Variants in EEF1AKMT2 observed in about 807,000 individuals in gnomAD.
EEF1AKMT2 encodes eukaryotic translation elongation factor 1 alpha lysine methyltransferase 2.
EEF1AKMT2 carries 32 observed loss-of-function variants against 35.8 expected under a neutral mutation model. That is an observed-to-expected ratio of 0.89 (90% confidence interval 0.67 to 1.20). The LOEUF is 1.20. EEF1AKMT2 is among the 50% of genes most tolerant of loss of function. The pLI, the probability that EEF1AKMT2 is intolerant of heterozygous loss-of-function variation, is 0.00. For missense variants in EEF1AKMT2, 330 were observed against 347.5 expected (o/e 0.95, Z 0.40); for synonymous variants, 121 against 133.7 (o/e 0.91, Z 0.65).
At chr10:124,772,392 T>C (rs937414546) in intron 4 of EEF1AKMT2, among the ~76,000 whole-genome samples, 28 of 151,984 alleles carry the variant, frequency 1.8e-4, no homozygotes, top group African/African-American at 6.5e-4. Flanking sequence ...TGCACTTTTA[T>C]GTCATGGAGA....
rs1437722853 is a variant in EEF1AKMT2, at chr10:124,760,629, G to A, written c.*-126C>T. 4 of 697,874 alleles carry A rather than the reference G, an allele frequency of 5.7e-6. No individual in the cohort carries two copies. The African/African-American group carries it at 7.1e-5, about 12-fold the overall frequency. The allele number at this position is 697,874 out of a possible 1,614,324, so 43.2% of individuals were successfully genotyped here. ...ACTATGATTCCAAACTCTAAATTGT[G>A]CTGAATTTCACTTCATGATTTTTCA... On this transcript the variant is annotated intron_variant, in intron 6 of 6. Coordinates refer to ENST00000368836, the MANE Select transcript of EEF1AKMT2 (RefSeq NM_212554.4).
At position 124,769,946 on chromosome 10, in the gene EEF1AKMT2, CAAAAAAAAA is replaced by C. The variant is rs71484588; in HGVS notation, c.400-4347_400-4339del. ...GGGCAACAAGAGCGAAACTCCATCT[CAAAAAAAAA>C]AAAAAAAAAAAAAAAATTGGGTGCC... On this transcript the variant is annotated intron_variant, in intron 4 of 6. Transcript: ENST00000368836. Among the ~76,000 whole-genome samples the C allele has an allele frequency of 3.0e-4, 18 of 60,218 alleles. No individual in the cohort carries two copies. The South Asian group carries it at 7.0e-3, about 23-fold the overall frequency. 39.5% of individuals were successfully genotyped at this position (60,218 alleles called of 152,430 possible).
chr10:124,773,252 C>A (rs558219894), intron 4 of EEF1AKMT2, among the ~76,000 whole-genome samples: 101 of 152,232 alleles, frequency 6.6e-4, no homozygotes, highest in Non-Finnish European at 1.2e-3. Context: ...GGCTGGAGTG[C>A]AGTGGCACAA....
Position 124,762,563 on chromosome 10 carries a change from G to A in EEF1AKMT2, c.617-5C>T. 8.4e-7 allele frequency: 1 copy of A among 1,192,182 alleles called. No individual in the cohort carries two copies. The highest frequency in any genetic ancestry group is 1.5e-5 in the South Asian group (1 of 64,526). 73.9% of individuals were successfully genotyped at this position (1,192,182 alleles called of 1,614,324 possible). On this transcript the variant is annotated splice_polypyrimidine_tract_variant and splice_region_variant and intron_variant, in intron 5 of 6. Transcript: ENST00000368836. ...ATCCTGCCACTGTACTCCAACCTGG[G>A]CAACAGAGAGAGAGACAGACCGTTT...
chr10:124,765,893 T>C (rs752270616), intron 4 of EEF1AKMT2: 3 of 246,214 alleles, frequency 1.2e-5, no homozygotes. Context: ...TACCAGCACA[T>C]TATGGAGCTC....
chr10:124,765,356 G>A, intron 5 of EEF1AKMT2, 36 bp downstream of exon 5: 2 of 1,547,058 alleles, frequency 1.3e-6, no homozygotes, highest in African/African-American at 1.4e-5. Context: ...TGAAACCTGA[G>A]GTAAGCACAC....
chr10:124,766,785 G>A (rs1177634749), intron 4 of EEF1AKMT2, among the ~76,000 whole-genome samples: 1 of 152,078 alleles, frequency 6.6e-6, no homozygotes, highest in Non-Finnish European at 1.5e-5. Context: ...CATCCTAAAT[G>A]CCTATATAAA....
chr10:124,784,829 G>A (rs547138322), intron 3 of EEF1AKMT2, among the ~76,000 whole-genome samples: 205 of 151,978 alleles, frequency 1.3e-3, no homozygotes, highest in African/African-American at 4.6e-3. Context: ...TACTCAGGAG[G>A]CTGAGGCAGG....
chr10:124,765,581 G>A lies in EEF1AKMT2; in HGVS notation c.427C>T (p.Gln143Ter). The change falls in exon 5 of 7, where the codon CAG becomes TAG. Residue 143 changes from glutamine (Q) to a stop codon, truncating the protein, a stop_gained. Coordinates refer to ENST00000368836, the MANE Select transcript of EEF1AKMT2 (RefSeq NM_212554.4). LOFTEE classifies it high-confidence loss of function. ...ATACAAATATGAAATCCAGACAGCTGTGTGGAGAGATTCAAAAAGTCTTCT... is the reference window on the plus strand; with the variant it reads ...ATACAAATATGAAATCCAGACAGCTATGTGGAGAGATTCAAAAAGTCTTCT... ...KVEDFLNLST[Q>*]LSGFHICIDK... is the part of the protein sequence containing the mutation. 6.2e-7 allele frequency: 1 copy of A among 1,613,768 alleles called. No individual in the cohort carries two copies. Among genetic ancestry groups the A allele is most frequent in the Non-Finnish European group, 8.5e-7 (1 of 1,179,868 alleles).
chr10:124,789,546 C>T (rs756510305), intron 2 of EEF1AKMT2, among the ~76,000 whole-genome samples: 2 of 152,010 alleles, frequency 1.3e-5, no homozygotes, highest in Non-Finnish European at 2.9e-5. Context: ...CTGCTTGAGG[C>T]CAGGAGTTCG....
intron 2 of EEF1AKMT2, 54 bp downstream of exon 2, chr10:124,790,219 C>T (rs373121441): frequency 9.7e-6 from 13 of 1,346,220 alleles, no homozygotes; most frequent in Non-Finnish European, 1.4e-5. Flanking sequence ...TTTAAACACA[C>T]ACACATATAC....
chr10:124,772,499 G>T (rs1322067145), intron 4 of EEF1AKMT2, among the ~76,000 whole-genome samples: 1 of 137,700 alleles, frequency 7.3e-6, no homozygotes, highest in African/African-American at 2.7e-5. Context: ...CGCGATCTTG[G>T]CTCACTGCAA....
downstream of EEF1AKMT2, among the ~76,000 whole-genome samples, chr10:124,757,166 CCACA>C (rs55709011): frequency 0.27 from 37,979 of 143,000 alleles, 4,941 homozygotes; most frequent in African/African-American, 0.28. Context: ...ACACTCCCTC[CCACA>C]CACACACACA....
At chr10:124,757,169 CA>C (rs1950293414), downstream of EEF1AKMT2, among the ~76,000 whole-genome samples, 2 of 23,438 alleles carry the variant, frequency 8.5e-5, no homozygotes, top group South Asian at 1.4e-3. Flanking sequence ...CTCCCTCCCA[CA>C]CACACACACA....
In EEF1AKMT2 at chr10:124,765,503, T is replaced by C; in HGVS notation, c.505A>G (p.Lys169Glu). Residue 169 changes from lysine to glutamate, a missense_variant, in exon 5 of 7, where the codon AAG (lysine) becomes GAG (glutamate). Transcript: ENST00000368836. Reference sequence around the variant, plus strand: ...AGAGATTTCACATATTGCTTCCTCTTCTCAATTGCATTGTCAGGATTAAGG... The same window carrying C: ...AGAGATTTCACATATTGCTTCCTCTCCTCAATTGCATTGTCAGGATTAAGG... ...ISLNPDNAIE[K>E]RKQYVKSLSR... 1 of 1,613,984 alleles carries C rather than the reference T, an allele frequency of 6.2e-7. No homozygotes were observed. Among genetic ancestry groups the C allele is most frequent in the South Asian group, 1.1e-5 (1 of 91,084 alleles).
chr10:124,781,438 G>C (rs1432326634), intron 3 of EEF1AKMT2, among the ~76,000 whole-genome samples: 1 of 151,634 alleles, frequency 6.6e-6, no homozygotes, highest in Admixed American at 6.6e-5. Context: ...AAGTAGCCGG[G>C]TGTGGTGGTG....
chr10:124,765,021 T>C (rs866842374), intron 5 of EEF1AKMT2, among the ~76,000 whole-genome samples: 1 of 152,108 alleles, frequency 6.6e-6, no homozygotes, highest in Non-Finnish European at 1.5e-5. Context: ...CTCACCTCAG[T>C]CTCCTAAGTA....
intron 4 of EEF1AKMT2, among the ~76,000 whole-genome samples, chr10:124,769,844 G>A (rs1428502070): frequency 6.6e-6 from 1 of 150,566 alleles, no homozygotes; most frequent in African/African-American, 2.4e-5. Flanking sequence ...CTACTCGGAG[G>A]CTGAGGCAGG....
At position 124,760,437 on chromosome 10, in the gene EEF1AKMT2, A is replaced by G. The variant is rs1468084301; in HGVS notation, c.*66T>C. 1 of 1,613,950 alleles carries G rather than the reference A, an allele frequency of 6.2e-7. No homozygotes were observed. Among genetic ancestry groups the G allele is most frequent in the South Asian group, 1.1e-5 (1 of 91,080 alleles). ...CATTTTTTGGAAAACCAATGCTGCT[A>G]CACTGTTTCCAGATCTGCCTCCAAA... On this transcript the variant is annotated 3_prime_UTR_variant, in exon 7 of 7. Coordinates refer to ENST00000368836, the MANE Select transcript of EEF1AKMT2 (RefSeq NM_212554.4).
Sources: allele counts gnomAD v4.1 joint callset (sites outside exome capture counted in the v4.1 genomes callset), GRCh38; gene constraint gnomAD v4.1.1; transcripts MANE v1.5; gene names NCBI Gene and HGNC (gene_info 2026-07-23, HGNC 2026-07-21).